AZIN2: variants seen among roughly 807,000 people sequenced by gnomAD.
AZIN2 encodes the protein antizyme inhibitor 2, also known as ODC antizyme inhibitor-2.
Under a neutral mutation model 47.8 loss-of-function variants are expected in AZIN2, and 28 were observed. The ratio of observed to expected loss-of-function variants is 0.59; its 90% CI spans 0.43 to 0.80. The LOEUF is 0.80. Ranked by LOEUF, AZIN2 falls within the 30% of genes least tolerant of loss-of-function variation. The probability of loss-of-function intolerance (pLI) is 0.00; values close to 1 mark genes in which losing one functional copy is unlikely to be tolerated. For missense variants in AZIN2, 535 were observed against 582.5 expected, an observed-to-expected ratio of 0.92 and a Z score of 0.84; for synonymous variants, 221 against 239.4, an observed-to-expected ratio of 0.92 and a Z score of 0.71.
downstream of AZIN2, among the ~76,000 whole-genome samples, chr1:33,126,320 G>A (rs1285293975): frequency 2.0e-5 from 3 of 152,092 alleles, no homozygotes; most frequent in African/African-American, 7.2e-5. Context: ...CATGCATCCT[G>A]TATTTGTCCC....
chr1:33,146,165 A>G, the AZIN2 span: 18 of 256,660 alleles, frequency 7.0e-5, 1 homozygote, highest in Middle Eastern at 1.6e-3. Context: ...CAGCTCTTCC[A>G]ACAATTTTGC....
At chr1:33,159,731 C>A in the AZIN2 span, 2 of 1,612,100 alleles carry the variant, frequency 1.2e-6, no homozygotes, top group Non-Finnish European at 1.7e-6. This position sits in a 1 kb window ranked among gnomAD's most constrained non-coding sequence, Gnocchi z 4.2. Context: ...GTGTGCCGGT[C>A]GGTTTCAGCC....
In AZIN2 at chr1:33,094,636, C is replaced by G; in HGVS notation, c.676C>G (p.Leu226Val). The change falls in exon 8 of 12, where the codon CTG becomes GTG. Residue 226 changes from leucine to valine, a missense_variant. Physicochemically the swap from Leu to Val is conservative, Grantham distance 32 (BLOSUM62 1). Coordinates refer to ENST00000294517, the MANE Select transcript of AZIN2 (RefSeq NM_052998.4). ...ARLVFEMGTE[L>V]GHKMHVLDLG... ...GCTCGTGTTTGAAATGGGCACCGAG[C>G]TGGGTCACAAGATGCACGTTCTGGA... 6.2e-7 allele frequency: 1 copy of G among 1,614,186 alleles called. No homozygotes were observed. The highest frequency in any genetic ancestry group is 2.2e-5 in the East Asian group (1 of 44,876).
chr1:33,099,808 C>T (rs1643520266), intron 10 of AZIN2, among the ~76,000 whole-genome samples: 1 of 152,194 alleles, frequency 6.6e-6, no homozygotes, highest in African/African-American at 2.4e-5. Flanking sequence ...AGAGTGGGGC[C>T]CACAGCCTGG....
At chr1:33,150,049 C>T in the AZIN2 span, among the ~76,000 whole-genome samples, 4 of 152,340 alleles carry the variant, frequency 2.6e-5, no homozygotes, top group South Asian at 2.1e-4. Context: ...TTTCATGAAC[C>T]CTTGTTAAGA....
chr1:33,153,299 G>C, the AZIN2 span, among the ~76,000 whole-genome samples: 1 of 152,228 alleles, frequency 6.6e-6, no homozygotes. Flanking sequence ...GCTGCTCTCT[G>C]AACTCCCCAG....
chr1:33,166,705 G>A, the AZIN2 span, among the ~76,000 whole-genome samples: 9 of 152,050 alleles, frequency 5.9e-5, no homozygotes, highest in Non-Finnish European at 8.8e-5. Context: ...CAGGTGACAC[G>A]TTTTCTACCA....
rs1054947480 is a variant in AZIN2 at position 33,113,935 on chromosome 1, A to G, written c.1030-3967A>G. The stretch of plus-strand genomic sequence containing the variant: ...TATTTTCCATGTTATGAAGCCAGTG[A>G]TTGACTTCTCTCCTGTTGTCTGCAC... On this transcript the variant is annotated intron_variant, in intron 10 of 11. Transcript: ENST00000294517. This position sits in a 1 kb window ranked among gnomAD's most constrained non-coding sequence, Gnocchi z 4.1. 3.3e-5 allele frequency among the ~76,000 whole-genome samples: 5 copies of G among 152,186 alleles called. No homozygotes were observed. Among genetic ancestry groups the G allele is most frequent in the Non-Finnish European group, 7.3e-5 (5 of 68,032 alleles).
At chr1:33,118,142 G>A in intron 11 of AZIN2, 26 bp downstream of exon 11, 1 of 1,504,778 alleles carries the variant, frequency 6.6e-7, no homozygotes, top group Non-Finnish European at 8.9e-7. Flanking sequence ...TGGAAAATGG[G>A]GGTATGGGGA....
intron 10 of AZIN2, among the ~76,000 whole-genome samples, chr1:33,102,425 G>A (rs539526360): frequency 6.6e-6 from 1 of 152,080 alleles, no homozygotes; most frequent in African/African-American, 2.4e-5. Context: ...TCTCCAGTCA[G>A]GTACCTGTTC....
chr1:33,120,304 G>A lies in AZIN2; in HGVS notation c.*122G>A, dbSNP rs541219191. On this transcript the variant is annotated 3_prime_UTR_variant, in exon 12 of 12. Coordinates refer to ENST00000294517, the MANE Select transcript of AZIN2 (RefSeq NM_052998.4). ...CTCTGGTGCCCACCCTGCCACCCCCGCGCTCCACCTGCAGTGTTTCTGCCC... is the reference window on the plus strand; with the variant it reads ...CTCTGGTGCCCACCCTGCCACCCCCACGCTCCACCTGCAGTGTTTCTGCCC... 9.6e-5 allele frequency: 131 copies of A among 1,363,626 alleles called. No individual in the cohort carries two copies. Among genetic ancestry groups the A allele is most frequent in the African/African-American group, 1.2e-4 (8 of 69,118 alleles). The allele number at this position is 1,363,626 out of a possible 1,614,324, so 84.5% of individuals were successfully genotyped here.
At chr1:33,108,384 C>G (rs1449832637) in intron 10 of AZIN2, among the ~76,000 whole-genome samples, 4 of 150,566 alleles carry the variant, frequency 2.7e-5, no homozygotes, top group Non-Finnish European at 5.9e-5. Context: ...ACTCTGTTGC[C>G]CAGGCTGGAG....
rs1354467283 is a variant in AZIN2 at position 33,098,056 on chromosome 1, C to T, written c.917-11C>T. ...CTACTTGTGCTGCCTCTGAACCCTC[C>T]CCTCCTGCAGAGGAAAATGGTTCCA... On this transcript the variant is annotated splice_polypyrimidine_tract_variant and intron_variant, in intron 9 of 11. Coordinates refer to ENST00000294517, the MANE Select transcript of AZIN2 (RefSeq NM_052998.4). The T allele has an allele frequency of 4.4e-6, 7 of 1,603,144 alleles. No homozygotes were observed. Among genetic ancestry groups the T allele is most frequent in the African/African-American group, 2.7e-5 (2 of 74,818 alleles).
the AZIN2 span, among the ~76,000 whole-genome samples, chr1:33,151,461 C>T: frequency 6.6e-6 from 1 of 152,108 alleles, no homozygotes; most frequent in African/African-American, 2.4e-5. Flanking sequence ...GGCTCCCTCC[C>T]CGAGGCTAGG....
chr1:33,161,160 C>T, the AZIN2 span, among the ~76,000 whole-genome samples: 4 of 152,186 alleles, frequency 2.6e-5, no homozygotes, highest in East Asian at 1.9e-4. The surrounding 1 kb of genome is among the most constrained non-coding windows in gnomAD (Gnocchi z 4.3). Flanking sequence ...CACTCCAAGG[C>T]GCAGAGAAAG....
chr1:33,151,295 G>A, the AZIN2 span, among the ~76,000 whole-genome samples: 1 of 152,204 alleles, frequency 6.6e-6, no homozygotes, highest in East Asian at 1.9e-4. Flanking sequence ...GGCCGGCCTA[G>A]GGGCAGGGCC....
At chr1:33,094,175 G>A (rs1433924201) in intron 7 of AZIN2, among the ~76,000 whole-genome samples, 2 of 152,182 alleles carry the variant, frequency 1.3e-5, no homozygotes, top group Non-Finnish European at 2.9e-5. Context: ...CATTCTCTCA[G>A]CCTTGTGTGG....
chr1:33,165,594 G>A, the AZIN2 span: 1 of 1,577,734 alleles, frequency 6.3e-7, no homozygotes, highest in East Asian at 2.3e-5. The surrounding 1 kb of genome is among the most constrained non-coding windows in gnomAD (Gnocchi z 4.0). Flanking sequence ...CCGGGATGGG[G>A]GCAGGGGCCA....
intron 5 of AZIN2, among the ~76,000 whole-genome samples, chr1:33,084,796 C>T (rs1234413359): frequency 1.3e-5 from 2 of 152,082 alleles, no homozygotes; most frequent in Non-Finnish European, 2.9e-5. Flanking sequence ...GACAGGATTT[C>T]AGCATGTTGG....
Sources: allele counts gnomAD v4.1 joint callset (sites outside exome capture counted in the v4.1 genomes callset), GRCh38; gene constraint gnomAD v4.1.1; non-coding constraint Gnocchi (gnomAD v3.1); transcripts MANE v1.5; gene names NCBI Gene and HGNC (gene_info 2026-07-23, HGNC 2026-07-21).